Variants in IRF8 observed in about 807,000 individuals in gnomAD.
IRF8 encodes the protein interferon regulatory factor 8.
A neutral mutation model predicts 48.7 loss-of-function variants in IRF8; 14 were observed. The observed-to-expected ratio is 0.29, with a 90% confidence interval of 0.19 to 0.45. IRF8 has a LOEUF of 0.45. Among genes scored for constraint, IRF8 ranks in the 20% least tolerant of loss-of-function variants. The pLI, the probability that IRF8 is intolerant of heterozygous loss-of-function variation, is 1.00. For synonymous variants in IRF8, 278 were observed against 227.3 expected, an observed-to-expected ratio of 1.22 and a Z score of -2.01; for missense variants, 493 against 580.7, an observed-to-expected ratio of 0.85 and a Z score of 1.55.
chr16:85,915,720 C>G (rs1013455349), intron 6 of IRF8, among the ~76,000 whole-genome samples: 1 of 152,212 alleles, frequency 6.6e-6, no homozygotes, highest in Non-Finnish European at 1.5e-5. Flanking sequence ...TCGCCAGCCA[C>G]TGGGCTATGG....
Position 85,909,107 on chromosome 16 carries a change from C to A in IRF8, c.292C>A (p.Arg98=). 6.2e-7 allele frequency: 1 copy of A among 1,614,116 alleles called. No individual in the cohort carries two copies. The highest frequency in any genetic ancestry group is 8.5e-7 in the Non-Finnish European group (1 of 1,179,974). Residue 98 remains arginine, a synonymous_variant, in exon 3 of 9, where the codon CGG becomes AGG. Transcript: ENST00000268638. Reference sequence around the variant, plus strand: ...CCCAGATTTTGAGGAAGTGACGGACCGGTCCCAACTGGACATTTCCGAGCC... The same window carrying A: ...CCCAGATTTTGAGGAAGTGACGGACAGGTCCCAACTGGACATTTCCGAGCC... ...KSPDFEEVTD[R]SQLDISEPYK... is the part of the protein sequence containing the mutation.
In IRF8 at chr16:85,921,135, A is replaced by T. The variant is rs1158749859; in HGVS notation, c.1134A>T (p.Ala378=). ...AGCAGCTGTATGTCCGGCAACTGGC[A>T]GAAGAGGCTGGGAAGAGCTGTGGAG... The part of the protein sequence containing the change: ...QIEQLYVRQL[A]EEAGKSCGAG... Residue 378 remains alanine, a synonymous_variant, in exon 9 of 9, where the codon GCA becomes GCT. Transcript: ENST00000268638. 1.2e-6 allele frequency: 2 copies of T among 1,614,070 alleles called. No individual in the cohort carries two copies. The highest frequency in any genetic ancestry group is 1.7e-6 in the Non-Finnish European group (2 of 1,179,986).
chr16:85,899,226 A>G lies in IRF8; in HGVS notation c.-2+3A>G, dbSNP rs1398299062. On this transcript the variant is annotated splice_donor_region_variant and intron_variant, in intron 1 of 8. Transcript: ENST00000268638. ...AGACGGCGGCAGGACGGCGGCAGGT[A>G]GGCACAGTGGGCGGGTAGGGCGCCC... 6.6e-6 allele frequency: 1 copy of G among 152,082 alleles called. No homozygotes were observed. The highest frequency in any genetic ancestry group is 1.5e-5 in the Non-Finnish European group (1 of 68,024). 9.4% of individuals were successfully genotyped at this position (152,082 alleles called of 1,614,324 possible). A position where few individuals can be genotyped will look rare whatever the true frequency, so the allele number is the denominator to read the frequency against.
At chr16:85,916,907 A>G (rs969141434) in intron 6 of IRF8, among the ~76,000 whole-genome samples, 1 of 151,976 alleles carries the variant, frequency 6.6e-6, no homozygotes, top group Non-Finnish European at 1.5e-5. Flanking sequence ...CTTCTGGGTG[A>G]CCCTATCTAG....
intron 2 of IRF8, chr16:85,903,470 C>T: frequency 2.3e-6 from 1 of 437,680 alleles, no homozygotes; most frequent in Non-Finnish European, 4.2e-6. Context: ...CCTGATGAGC[C>T]AAGTGGGAGA....
chr16:85,899,531 G>A (rs1010230500), intron 1 of IRF8, among the ~76,000 whole-genome samples: 1 of 152,092 alleles, frequency 6.6e-6, no homozygotes, highest in African/African-American at 2.4e-5. Context: ...TATAATGAAC[G>A]GCAATAGCAA....
At chr16:85,913,317 G>A (rs1905202274) in intron 5 of IRF8, 81 bp downstream of exon 5, 2 of 987,300 alleles carry the variant, frequency 2.0e-6, no homozygotes, top group South Asian at 2.6e-5. Flanking sequence ...ACGGAGTGGG[G>A]GTGGTTGTTG....
chr16:85,918,765 A>G lies in IRF8; in HGVS notation c.950A>G (p.Glu317Gly), dbSNP rs1207621165. The change falls in exon 7 of 9, where the codon GAG becomes GGG. Residue 317 changes from glutamate (E) to glycine (G), a missense_variant. Coordinates refer to ENST00000268638, the MANE Select transcript of IRF8 (RefSeq NM_002163.4). ...AGGCCCAACAAGCTGGAGCGTGATG[A>G]GGTGGTCCAGGTCTTCGACACCAGC... ...KGRPNKLERDEVVQVFDTSQF... is the reference protein window; with the variant it reads ...KGRPNKLERDGVVQVFDTSQF... The G allele has an allele frequency of 1.9e-6, 3 of 1,611,352 alleles. No homozygotes were observed. The highest frequency in any genetic ancestry group is 2.2e-5 in the East Asian group (1 of 44,892).
Position 85,918,825 on chromosome 16 carries a change from C to T in IRF8, c.988+22C>T, listed in dbSNP as rs376064481. ...CGAGGTCTGTACCGTCGTCACCTTG[C>T]TGCCCCCACATCTTAGAGATCACGC... On this transcript the variant is annotated intron_variant, in intron 7 of 8. Transcript: ENST00000268638. The T allele has an allele frequency of 3.7e-6, 6 of 1,603,534 alleles. No individual in the cohort carries two copies. The African/African-American group carries it at 4.0e-5, about 11-fold the overall frequency.
At chr16:85,907,660 G>T (rs1289968286) in intron 2 of IRF8, among the ~76,000 whole-genome samples, 1 of 152,136 alleles carries the variant, frequency 6.6e-6, no homozygotes, top group Admixed American at 6.5e-5. Flanking sequence ...ACTGGTGACA[G>T]AGTGAGACTC....
At chr16:85,903,890 CG>C (rs1399873650) in intron 2 of IRF8, among the ~76,000 whole-genome samples, 1 of 152,160 alleles carries the variant, frequency 6.6e-6, no homozygotes, top group East Asian at 1.9e-4. Context: ...TCTTGTATGA[CG>C]GAGCCAGCAT....
At chr16:85,918,351 C>T (rs930540226) in intron 6 of IRF8, 66 bp from the exon 7 acceptor site, 1 of 1,543,192 alleles carries the variant, frequency 6.5e-7, no homozygotes, top group Non-Finnish European at 8.7e-7. Context: ...ACAGACTGTG[C>T]ACTTGGGCAG....
At chr16:85,909,233 C>CA in intron 3 of IRF8, 60 bp downstream of exon 3, 1 of 1,454,792 alleles carries the variant, frequency 6.9e-7, no homozygotes, top group Non-Finnish European at 9.6e-7. Context: ...TAGCCTTCAC[C>CA]ACAGAACTTG....
chr16:85,914,570 A>G (rs747753945), intron 6 of IRF8, 50 bp downstream of exon 6: 1 of 1,605,626 alleles, frequency 6.2e-7, no homozygotes, highest in South Asian at 1.1e-5. Context: ...TTGAAGACAA[A>G]GCCCAGATAA....
At chr16:85,909,450 G>T (rs1169626905) in intron 3 of IRF8, 1 of 463,926 alleles carries the variant, frequency 2.2e-6, no homozygotes, top group Non-Finnish European at 4.0e-6. Context: ...GCATCCTCCA[G>T]CAGTTTCTGA....
chr16:85,910,390 G>C (rs1394150518), intron 3 of IRF8, among the ~76,000 whole-genome samples: 3 of 152,124 alleles, frequency 2.0e-5, no homozygotes, highest in Non-Finnish European at 4.4e-5. Flanking sequence ...TTGGAGAATC[G>C]GGTGCCCTTT....
chr16:85,904,404 C>A (rs555547304), intron 2 of IRF8, among the ~76,000 whole-genome samples: 5 of 152,290 alleles, frequency 3.3e-5, no homozygotes, highest in African/African-American at 9.6e-5. Context: ...AGATGACTGT[C>A]CCCTGACACC....
chr16:85,904,849 T>C (rs12597162), intron 2 of IRF8, among the ~76,000 whole-genome samples: 1 of 139,142 alleles, frequency 7.2e-6, no homozygotes. Context: ...GGCATCATGG[T>C]GAACTTCTCT....
intron 8 of IRF8, among the ~76,000 whole-genome samples, 166 bp downstream of exon 8, chr16:85,920,390 G>C (rs1007728128): frequency 5.3e-5 from 8 of 152,078 alleles, no homozygotes; most frequent in African/African-American, 1.9e-4. Context: ...GGGACTACAG[G>C]CCCGTGCCAC....
Sources: gnomAD v4.1 joint callset for allele counts (sites outside exome capture counted in the v4.1 genomes callset) on GRCh38, gnomAD v4.1.1 for gene constraint, MANE v1.5 for transcripts, NCBI Gene and HGNC (gene_info 2026-07-23, HGNC 2026-07-21) for gene names.